FBLN7: variants seen among roughly 807,000 people sequenced by gnomAD.
FBLN7 encodes the protein fibulin-7.
Under a neutral mutation model 44.0 loss-of-function variants are expected in FBLN7, and 31 were observed. That is an observed-to-expected ratio of 0.70 (90% CI 0.53 to 0.95). FBLN7 has a LOEUF of 0.95. Ranked by LOEUF, FBLN7 falls within the 40% of genes least tolerant of loss-of-function variation. FBLN7 has a pLI of 0.00. For synonymous variants in FBLN7, 262 were observed against 253.4 expected (o/e 1.03, Z -0.32); for missense variants, 573 against 618.5 (o/e 0.93, Z 0.78).
chr2:112,203,294 A>C, the FBLN7 span, among the ~76,000 whole-genome samples: 1 of 152,312 alleles, frequency 6.6e-6, no homozygotes, highest in East Asian at 1.9e-4. Flanking sequence ...TCACACACAG[A>C]GTTCCTCTAT....
the FBLN7 span, among the ~76,000 whole-genome samples, chr2:112,198,094 C>G: frequency 6.6e-6 from 1 of 152,144 alleles, no homozygotes; most frequent in South Asian, 2.1e-4. Flanking sequence ...TCTGCAGGAT[C>G]AAAAACACTC....
the FBLN7 span, among the ~76,000 whole-genome samples, chr2:112,205,263 T>C: frequency 6.6e-6 from 1 of 151,996 alleles, no homozygotes; most frequent in African/African-American, 2.4e-5. Context: ...AAGCCATTCA[T>C]AGAGGAATAG....
At chr2:112,182,035 T>G in intron 5 of FBLN7, 159 bp downstream of exon 5, 1 of 898,284 alleles carries the variant, frequency 1.1e-6, no homozygotes, top group South Asian at 1.9e-5. Context: ...GTTGACCTAG[T>G]GATGGCTAGA....
chr2:112,196,822 G>T, the FBLN7 span, among the ~76,000 whole-genome samples: 1 of 152,146 alleles, frequency 6.6e-6, no homozygotes, highest in East Asian at 1.9e-4. Flanking sequence ...TAAAGAAAAA[G>T]AGGTCCAATG....
At chr2:112,241,521 A>T in the FBLN7 span, among the ~76,000 whole-genome samples, 1 of 152,264 alleles carries the variant, frequency 6.6e-6, no homozygotes, top group Non-Finnish European at 1.5e-5. Context: ...TTGAATGAGA[A>T]GAAAACCACA....
At chr2:112,233,800 C>T in the FBLN7 span, among the ~76,000 whole-genome samples, 1 of 151,924 alleles carries the variant, frequency 6.6e-6, no homozygotes, top group African/African-American at 2.4e-5. Context: ...ACCCAGGAGG[C>T]GGAGCTTGCA....
At chr2:112,141,225 A>AC (rs1277890194) in intron 1 of FBLN7, among the ~76,000 whole-genome samples, 25 of 152,130 alleles carry the variant, frequency 1.6e-4, no homozygotes, top group Non-Finnish European at 3.7e-4. Flanking sequence ...GGGGACTGTT[A>AC]CCCCCATTTT....
At chr2:112,165,517 G>A (rs1349996320) in intron 3 of FBLN7, among the ~76,000 whole-genome samples, 1 of 152,164 alleles carries the variant, frequency 6.6e-6, no homozygotes, top group Non-Finnish European at 1.5e-5. Flanking sequence ...CAGAGTCTGC[G>A]CTCCTTCACA....
the FBLN7 span, among the ~76,000 whole-genome samples, chr2:112,201,117 T>C: frequency 6.6e-6 from 1 of 152,190 alleles, no homozygotes; most frequent in Non-Finnish European, 1.5e-5. Flanking sequence ...AAGCGAGATG[T>C]ACCCTTGCCT....
At chr2:112,217,664 G>A in the FBLN7 span, among the ~76,000 whole-genome samples, 2 of 152,148 alleles carry the variant, frequency 1.3e-5, no homozygotes, top group Non-Finnish European at 2.9e-5. Flanking sequence ...AATGAATCTT[G>A]CCAAAACAGT....
intron 4 of FBLN7, among the ~76,000 whole-genome samples, chr2:112,181,303 A>G (rs951264304): frequency 6.6e-6 from 1 of 152,164 alleles, no homozygotes; most frequent in African/African-American, 2.4e-5. Context: ...ACAAACCTTC[A>G]CATGTTGAAG....
the FBLN7 span, among the ~76,000 whole-genome samples, chr2:112,197,279 AGAGAGAG>A: frequency 6.9e-4 from 59 of 85,036 alleles, no homozygotes; most frequent in African/African-American, 2.8e-3. Flanking sequence ...ACACACAGAG[AGAGAGAG>A]AGAGAGAGAG....
At chr2:112,144,473 C>A (rs1390083680) in intron 1 of FBLN7, among the ~76,000 whole-genome samples, 1 of 151,736 alleles carries the variant, frequency 6.6e-6, no homozygotes, top group Non-Finnish European at 1.5e-5. Context: ...ATCACCCAAG[C>A]TACAGGTTCC....
chr2:112,181,676 C>T, intron 4 of FBLN7, 63 bp from the exon 5 acceptor site: 1 of 1,347,440 alleles, frequency 7.4e-7, no homozygotes, highest in Non-Finnish European at 9.5e-7. Context: ...CCGGCCCCTA[C>T]CCAAGGTCGG....
the FBLN7 span, chr2:112,212,046 CT>C: frequency 7.9e-5 from 12 of 152,330 alleles, no homozygotes; most frequent in Admixed American, 2.6e-4. Context: ...GACTAGGTGG[CT>C]TAAACAACAC....
intron 3 of FBLN7, among the ~76,000 whole-genome samples, chr2:112,175,268 A>G (rs796357459): frequency 1.3e-5 from 2 of 152,238 alleles, no homozygotes; most frequent in Non-Finnish European, 2.9e-5. Context: ...CTGTTTAAAA[A>G]TGTTTCTCCC....
At chr2:112,179,494 T>G (rs959042571) in intron 4 of FBLN7, among the ~76,000 whole-genome samples, 1 of 145,202 alleles carries the variant, frequency 6.9e-6, no homozygotes, top group African/African-American at 2.9e-5. Flanking sequence ...AAAAATTACT[T>G]TAACATGCAT....
chr2:112,208,714 A>G, the FBLN7 span, among the ~76,000 whole-genome samples: 1 of 152,260 alleles, frequency 6.6e-6, no homozygotes, highest in East Asian at 1.9e-4. Flanking sequence ...AGATAATCTT[A>G]TACAGTCTGA....
chr2:112,155,650 C>G (rs1681372941), intron 1 of FBLN7, among the ~76,000 whole-genome samples: 2 of 152,218 alleles, frequency 1.3e-5, no homozygotes, highest in African/African-American at 4.8e-5. Context: ...TAAGGTTTTT[C>G]CGTGGTAACT....
Sources: gnomAD v4.1 joint callset for allele counts (sites outside exome capture counted in the v4.1 genomes callset) on GRCh38, gnomAD v4.1.1 for gene constraint, MANE v1.5 for transcripts, NCBI Gene and HGNC (gene_info 2026-07-23, HGNC 2026-07-21) for gene names.